The following BEGAIN variants were observed in gnomAD, a reference collection of about 807,000 sequenced individuals.
BEGAIN encodes brain enriched guanylate kinase associated, also known as brain-enriched guanylate kinase-associated protein.
A neutral mutation model predicts 35.8 loss-of-function variants in BEGAIN; 19 were observed. The observed-to-expected ratio is 0.53, with a 90% CI of 0.37 to 0.78. The LOEUF is 0.78. Among genes scored for constraint, BEGAIN ranks in the 30% least tolerant of loss-of-function variants. BEGAIN has a pLI of 0.00. For synonymous variants in BEGAIN, 462 were observed against 388.6 expected (o/e 1.19, Z -2.22); for missense variants, 795 against 853.6 (o/e 0.93, Z 0.85).
At chr14:100,566,100 G>A (rs1268747318) in intron 2 of BEGAIN, among the ~76,000 whole-genome samples, 1 of 152,184 alleles carries the variant, frequency 6.6e-6, no homozygotes, top group East Asian at 1.9e-4. Context: ...AGGAGGGCAG[G>A]ACCCCTCCCC....
Position 100,538,018 on chromosome 14 carries a change from C to T in BEGAIN, c.1790G>A (p.Arg597His), listed in dbSNP as rs767546828. ...FPRTGGSGLS[R>H]KDSLTKAQLY... Reference sequence around the variant, plus strand: ...CTGGGCCTTGGTGAGGCTGTCCTTGCGGCTCAGCCCCGAGCCACCAGTCCG... The same window carrying T: ...CTGGGCCTTGGTGAGGCTGTCCTTGTGGCTCAGCCCCGAGCCACCAGTCCG... Residue 597 changes from arginine (R) to histidine (H), a missense_variant, in exon 7 of 7, where the codon CGC becomes CAC. By Grantham distance (29) the Arg-to-His change is conservative (BLOSUM62 0). Coordinates refer to ENST00000554140, the MANE Select transcript of BEGAIN (RefSeq NM_001385089.1). 1 of 1,608,220 alleles carries T rather than the reference C, an allele frequency of 6.2e-7. No homozygotes were observed. The highest frequency in any genetic ancestry group is 8.5e-7 in the Non-Finnish European group (1 of 1,178,438).
Position 100,537,304 on chromosome 14 carries a change from G to T in BEGAIN, c.*665C>A, listed in dbSNP as rs1259336043. ...AGACGGTGTCAGGGGGCGGACCCGG[G>T]GGCGGAGATGAGCACCGGCCGCACT... On this transcript the variant is annotated 3_prime_UTR_variant, in exon 7 of 7. Coordinates refer to ENST00000554140, the MANE Select transcript of BEGAIN (RefSeq NM_001385089.1). 1.3e-5 allele frequency: 2 copies of T among 152,710 alleles called. No individual in the cohort carries two copies. The highest frequency in any genetic ancestry group is 2.9e-5 in the Non-Finnish European group (2 of 68,096). 9.5% of individuals were successfully genotyped at this position (152,710 alleles called of 1,614,324 possible).
At chr14:100,545,801 G>T (rs369666811) in intron 3 of BEGAIN, among the ~76,000 whole-genome samples, 3 of 152,308 alleles carry the variant, frequency 2.0e-5, no homozygotes, top group South Asian at 2.1e-4. Flanking sequence ...CAGGAGCTGG[G>T]GCTGTTCGGA....
intron 2 of BEGAIN, among the ~76,000 whole-genome samples, chr14:100,564,414 A>G (rs2034528685): frequency 1.3e-5 from 2 of 151,968 alleles, no homozygotes; most frequent in Non-Finnish European, 2.9e-5. Flanking sequence ...GCTCAAATAG[A>G]AAAAGGGGCT....
chr14:100,575,626 G>A (rs1040187331), intron 1 of BEGAIN, among the ~76,000 whole-genome samples: 2 of 152,132 alleles, frequency 1.3e-5, no homozygotes, highest in East Asian at 1.9e-4. Flanking sequence ...CATGAGATAC[G>A]ATCCTGGGGG....
intron 1 of BEGAIN, among the ~76,000 whole-genome samples, chr14:100,570,705 C>A (rs1004955829): frequency 1.3e-5 from 2 of 152,222 alleles, no homozygotes; most frequent in East Asian, 3.8e-4. Context: ...AGGGAAGCTC[C>A]CCTGGCCGAG....
At chr14:100,585,227 CCAT>C (rs2035410667) in intron 1 of BEGAIN, among the ~76,000 whole-genome samples, 2 of 115,814 alleles carry the variant, frequency 1.7e-5, no homozygotes, top group Non-Finnish European at 1.8e-5. Context: ...ATCCATCCAT[CCAT>C]CCCTCCCTCC....
chr14:100,577,319 G>A (rs757842355), intron 1 of BEGAIN: 2 of 399,072 alleles, frequency 5.0e-6, no homozygotes, highest in Non-Finnish European at 8.8e-6. Flanking sequence ...ACCCGACCTG[G>A]AGACCTCCAA....
At chr14:100,556,327 G>A (rs113384996) in intron 2 of BEGAIN, among the ~76,000 whole-genome samples, 3,274 of 138,540 alleles carry the variant, frequency 0.024, 59 homozygotes, top group South Asian at 0.092. Flanking sequence ...TCAGGCAGCC[G>A]CAGCCCTGCC....
intron 2 of BEGAIN, among the ~76,000 whole-genome samples, chr14:100,560,644 C>A (rs947309260): frequency 3.9e-5 from 6 of 152,198 alleles, no homozygotes; most frequent in Non-Finnish European, 8.8e-5. Context: ...CCGGCCAGAC[C>A]CCCAGGACAC....
intron 6 of BEGAIN, among the ~76,000 whole-genome samples, chr14:100,539,785 TGAA>T (rs1389817930): frequency 1.3e-5 from 2 of 152,070 alleles, no homozygotes; most frequent in African/African-American, 4.8e-5. Context: ...GGAGCGCTCC[TGAA>T]GAAGACAGAC....
At position 100,567,748 on chromosome 14, in the gene BEGAIN, GCACACACGCACCA is replaced by G. The variant is rs1479898298; in HGVS notation, c.71+150_71+162del. On this transcript the variant is annotated intron_variant, in intron 2 of 6. Transcript: ENST00000554140. This position sits in a 1 kb window ranked among gnomAD's most constrained non-coding sequence, Gnocchi z 5.1. ...GAGGCTCCCCAGCGCCTCGCGGCGCGCACACACGCACCACACACACGCACCTGGCCCGCAGCCC... is the reference window on the plus strand; with the variant it reads ...GAGGCTCCCCAGCGCCTCGCGGCGCGCACACACGCACCTGGCCCGCAGCCC... Among the ~76,000 whole-genome samples, 2 of 150,842 alleles carry G rather than the reference GCACACACGCACCA, an allele frequency of 1.3e-5. No individual in the cohort carries two copies. Among genetic ancestry groups the G allele is most frequent in the Non-Finnish European group, 3.0e-5 (2 of 67,626 alleles).
chr14:100,584,758 G>A (rs2035397330), intron 1 of BEGAIN, among the ~76,000 whole-genome samples: 1 of 152,140 alleles, frequency 6.6e-6, no homozygotes, highest in Non-Finnish European at 1.5e-5. Context: ...GTGAGTCAGC[G>A]GCAGAGGAGG....
rs556658769 is a variant in BEGAIN, at chr14:100,540,794, G to A, written c.409-215C>T. On this transcript the variant is annotated intron_variant, in intron 5 of 6. Coordinates refer to ENST00000554140, the MANE Select transcript of BEGAIN (RefSeq NM_001385089.1). ...TTCTGACCTGGGGCTGCCGGAGCAT[G>A]GAGGGCCCTGCCGCTGCCCTAGCTG... is the stretch of plus-strand genomic sequence containing the variant. Among the ~76,000 whole-genome samples, 3 of 152,352 alleles carry A rather than the reference G, an allele frequency of 2.0e-5. No homozygotes were observed. The South Asian group carries it at 6.2e-4, about 32-fold the overall frequency.
At position 100,546,665 on chromosome 14, in the gene BEGAIN, G is replaced by A; in HGVS notation, c.72-3C>T. On this transcript the variant is annotated splice_polypyrimidine_tract_variant and splice_region_variant and intron_variant, in intron 2 of 6. Coordinates refer to ENST00000554140, the MANE Select transcript of BEGAIN (RefSeq NM_001385089.1). Reference sequence around the variant, plus strand: ...CGCCCTTCTGCTCCTGCAGCGCGCTGCAACGACATGGCGGCGGCGGGCCGG... The same window carrying A: ...CGCCCTTCTGCTCCTGCAGCGCGCTACAACGACATGGCGGCGGCGGGCCGG... 2 of 1,548,690 alleles carry A rather than the reference G, an allele frequency of 1.3e-6. No homozygotes were observed. The highest frequency in any genetic ancestry group is 8.7e-7 in the Non-Finnish European group (1 of 1,152,674).
chr14:100,539,715 T>C (rs1310598593), intron 6 of BEGAIN, among the ~76,000 whole-genome samples: 1 of 149,062 alleles, frequency 6.7e-6, no homozygotes, highest in Non-Finnish European at 1.5e-5. Flanking sequence ...CCCAGGCCCG[T>C]GGGTTCTGTG....
At position 100,537,723 on chromosome 14, in the gene BEGAIN, G is replaced by A; in HGVS notation, c.*246C>T. On this transcript the variant is annotated 3_prime_UTR_variant, in exon 7 of 7. Transcript: ENST00000554140. ...AAGGGGGGATGCTCCTCTCACATGG[G>A]GGAAGGACGCGTGAAAAACGCTCTA... 2.1e-6 allele frequency: 1 copy of A among 486,954 alleles called. No individual in the cohort carries two copies. Among genetic ancestry groups the A allele is most frequent in the Non-Finnish European group, 3.5e-6 (1 of 281,906 alleles). The allele number at this position is 486,954 out of a possible 1,614,324, so 30.2% of individuals were successfully genotyped here.
Position 100,537,840 on chromosome 14 carries a change from G to A in BEGAIN, c.*129C>T. ...AGGGCTGGGGAGGAGAGGAGGTGCGGGGAGGAACAGACTCCTCGTTGTTGG... is the reference window on the plus strand; with the variant it reads ...AGGGCTGGGGAGGAGAGGAGGTGCGAGGAGGAACAGACTCCTCGTTGTTGG... On this transcript the variant is annotated 3_prime_UTR_variant, in exon 7 of 7. Transcript: ENST00000554140. 1.5e-6 allele frequency: 2 copies of A among 1,354,808 alleles called. No individual in the cohort carries two copies. The highest frequency in any genetic ancestry group is 1.5e-5 in the African/African-American group (1 of 66,420). The allele number at this position is 1,354,808 out of a possible 1,614,324, so 83.9% of individuals were successfully genotyped here.
At position 100,567,880 on chromosome 14, in the gene BEGAIN, C is replaced by T; in HGVS notation, c.71+31G>A. 3.4e-6 allele frequency: 5 copies of T among 1,463,050 alleles called. No individual in the cohort carries two copies. Among genetic ancestry groups the T allele is most frequent in the Non-Finnish European group, 3.6e-6 (4 of 1,098,308 alleles). 90.6% of individuals were successfully genotyped at this position (1,463,050 alleles called of 1,614,324 possible). On this transcript the variant is annotated intron_variant, in intron 2 of 6. Transcript: ENST00000554140. The surrounding 1 kb of genome is among the most constrained non-coding windows in gnomAD (Gnocchi z 5.1). ...GCCCTCACCCCCGACCCGGCCCCCG[C>T]GAGCCGCGGCACGGGAGACGCTCCA...
Sources: allele counts gnomAD v4.1 joint callset (sites outside exome capture counted in the v4.1 genomes callset), GRCh38; gene constraint gnomAD v4.1.1; non-coding constraint Gnocchi (gnomAD v3.1); transcripts MANE v1.5; gene names NCBI Gene and HGNC (gene_info 2026-07-23, HGNC 2026-07-21).